Variants in SLC7A2 observed in about 807,000 individuals in gnomAD.
SLC7A2 encodes solute carrier family 7 member 2.
SLC7A2 carries 48 observed loss-of-function variants against 58.9 expected under a neutral mutation model. The ratio of observed to expected loss-of-function variants is 0.82; its 90% CI spans 0.65 to 1.04. The LOEUF is 1.04. SLC7A2 is among the 50% of genes least tolerant of loss of function. The pLI is 0.00. For missense variants in SLC7A2, 1,029 were observed against 818.8 expected (o/e 1.26, Z -3.13); for synonymous variants, 363 against 314.5 (o/e 1.15, Z -1.63).
At chr8:17,562,611 G>A (rs376530609) in intron 11 of SLC7A2, among the ~76,000 whole-genome samples, 1 of 152,114 alleles carries the variant, frequency 6.6e-6, no homozygotes, top group Non-Finnish European at 1.5e-5. Flanking sequence ...AATGTGGTTA[G>A]CCAGTGAATG....
chr8:17,569,236 T>G lies in SLC7A2; in HGVS notation c.*4090T>G, dbSNP rs959032839. ...TGCTCATGATTTCTCCTAATACGCT[T>G]CAAGCAACTGTTACCACAAAAAATA... is the stretch of plus-strand genomic sequence containing the variant. On this transcript the variant is annotated 3_prime_UTR_variant, in exon 13 of 13. Coordinates refer to ENST00000494857, the MANE Select transcript of SLC7A2 (RefSeq NM_001370338.1). 1 of 152,158 alleles carries G rather than the reference T, an allele frequency of 6.6e-6. No individual in the cohort carries two copies. The highest frequency in any genetic ancestry group is 6.5e-5 in the Admixed American group (1 of 15,272). The allele number at this position is 152,158 out of a possible 1,614,324, so 9.4% of individuals were successfully genotyped here. A position where few individuals can be genotyped will look rare whatever the true frequency, so the allele number is the denominator to read the frequency against.
chr8:17,505,948 A>G (rs546639565), intron 2 of SLC7A2, among the ~76,000 whole-genome samples: 1 of 152,376 alleles, frequency 6.6e-6, no homozygotes, highest in South Asian at 2.1e-4. Flanking sequence ...TTTGTTTAAT[A>G]ACATGCTTAA....
chr8:17,543,008 C>T (rs1801980857), intron 2 of SLC7A2, among the ~76,000 whole-genome samples: 1 of 152,098 alleles, frequency 6.6e-6, no homozygotes, highest in Admixed American at 6.5e-5. Context: ...ACAAGAATGG[C>T]AAATCTTTTT....
At chr8:17,497,802 T>TTTTAAAAGAATCTTTAC (rs1800012564) in intron 1 of SLC7A2, among the ~76,000 whole-genome samples, 1 of 152,200 alleles carries the variant, frequency 6.6e-6, no homozygotes, top group Admixed American at 6.5e-5. Context: ...GGTGTTTGTA[T>TTTTAAAAGAATCTTTAC]TGGGTATTTT....
At chr8:17,503,938 C>A (rs1219458391) in intron 2 of SLC7A2, among the ~76,000 whole-genome samples, 2 of 152,136 alleles carry the variant, frequency 1.3e-5, no homozygotes, top group Non-Finnish European at 2.9e-5. Flanking sequence ...AGTTTTGACC[C>A]TCCATCCTTA....
In SLC7A2 at chr8:17,544,503, C is replaced by A. The variant is rs747139608; in HGVS notation, c.429C>A (p.Ser143Arg). The stretch of plus-strand genomic sequence containing the variant: ...GTGGCACCTTTGATGAACTTCTTAG[C>A]AAACAGATTGGTCAGTTTTTGAGGA... ...AWSGTFDELL[S>R]KQIGQFLRTY... Residue 143 changes from serine (S) to arginine (R), a missense_variant, in exon 4 of 13, where the codon AGC becomes AGA. Coordinates refer to ENST00000494857, the MANE Select transcript of SLC7A2 (RefSeq NM_001370338.1). 6.2e-7 allele frequency: 1 copy of A among 1,613,862 alleles called. No individual in the cohort carries two copies. Among genetic ancestry groups the A allele is most frequent in the South Asian group, 1.1e-5 (1 of 91,070 alleles).
chr8:17,566,183 T>A lies in SLC7A2; in HGVS notation c.*1037T>A, dbSNP rs1270417366. The A allele has an allele frequency of 6.6e-6, 1 of 152,236 alleles. No individual in the cohort carries two copies. The highest frequency in any genetic ancestry group is 2.4e-5 in the African/African-American group (1 of 41,462). 9.4% of individuals were successfully genotyped at this position (152,236 alleles called of 1,614,324 possible). On this transcript the variant is annotated 3_prime_UTR_variant, in exon 13 of 13. Coordinates refer to ENST00000494857, the MANE Select transcript of SLC7A2 (RefSeq NM_001370338.1). ...GATTCCTCCTTTTTCCATTACTTAC[T>A]TAATCACAGTTTAGTTTTTTTCTTA...
chr8:17,548,603 A>C (rs1802288600), intron 4 of SLC7A2, 75 bp from the exon 5 acceptor site: 3 of 1,027,516 alleles, frequency 2.9e-6, no homozygotes, highest in Non-Finnish European at 4.4e-6. Flanking sequence ...TAATATCCTA[A>C]AGTCATGTAT....
chr8:17,563,740 C>G, intron 12 of SLC7A2, 29 bp downstream of exon 12: 1 of 1,310,958 alleles, frequency 7.6e-7, no homozygotes, highest in Non-Finnish European at 1.1e-6. Context: ...GGTTCTCTTT[C>G]CTATTTCATG....
intron 7 of SLC7A2, among the ~76,000 whole-genome samples, chr8:17,553,989 ATCT>A (rs1802572275): frequency 6.6e-6 from 1 of 152,140 alleles, no homozygotes; most frequent in South Asian, 2.1e-4. Context: ...ACGTAAATTG[ATCT>A]TCTTTCCCTT....
At position 17,548,708 on chromosome 8, in the gene SLC7A2, C is replaced by T; in HGVS notation, c.563C>T (p.Ala188Val). The T allele has an allele frequency of 2.5e-6, 4 of 1,612,322 alleles. No individual in the cohort carries two copies. Among genetic ancestry groups the T allele is most frequent in the Non-Finnish European group, 3.4e-6 (4 of 1,179,288 alleles). ...TTGTCTTTTGGAGTAAAAGAGTCTGCTTGGGTGAATAAAGTCTTCACAGCT... is the reference window on the plus strand; with the variant it reads ...TTGTCTTTTGGAGTAAAAGAGTCTGTTTGGGTGAATAAAGTCTTCACAGCT... ...GLLSFGVKES[A>V]WVNKVFTAVN... Residue 188 changes from alanine to valine, a missense_variant, in exon 5 of 13, where the codon GCT becomes GTT. Physicochemically the swap from Ala to Val is moderately conservative, Grantham distance 64. Coordinates refer to ENST00000494857, the MANE Select transcript of SLC7A2 (RefSeq NM_001370338.1).
chr8:17,564,805 C>T (rs1803186109), intron 12 of SLC7A2, 145 bp from the exon 13 acceptor site: 1 of 634,934 alleles, frequency 1.6e-6, no homozygotes. Context: ...GGTCTGTGGC[C>T]CAGGGGTTGG....
At chr8:17,564,550 G>T (rs908010738) in intron 12 of SLC7A2, among the ~76,000 whole-genome samples, 3 of 152,146 alleles carry the variant, frequency 2.0e-5, no homozygotes, top group Non-Finnish European at 4.4e-5. Context: ...CAGGGTGGGG[G>T]ATGGTTTGGG....
rs200048108 is a variant in SLC7A2, at chr8:17,548,746, G to A, written c.601G>A (p.Val201Ile). 5.5e-5 allele frequency: 88 copies of A among 1,613,640 alleles called. No individual in the cohort carries two copies. Among genetic ancestry groups the A allele is most frequent in the Non-Finnish European group, 6.8e-5 (80 of 1,179,766 alleles). The change falls in exon 5 of 13, where the codon GTC (valine) becomes ATC (isoleucine). Residue 201 changes from valine (V) to isoleucine (I), a missense_variant. By Grantham distance (29) the Val-to-Ile change is conservative. Coordinates refer to ENST00000494857, the MANE Select transcript of SLC7A2 (RefSeq NM_001370338.1). ...AGTCTTCACAGCTGTTAATATTCTCGTCCTTCTGTTTGTGATGGTTGCTGG... is the reference window on the plus strand; with the variant it reads ...AGTCTTCACAGCTGTTAATATTCTCATCCTTCTGTTTGTGATGGTTGCTGG... ...NKVFTAVNIL[V>I]LLFVMVAGFV...
At chr8:17,561,332 TA>T (rs1176769606) in intron 10 of SLC7A2, among the ~76,000 whole-genome samples, 1 of 152,086 alleles carries the variant, frequency 6.6e-6, no homozygotes, top group Non-Finnish European at 1.5e-5. Context: ...AGGCACATCT[TA>T]ACATGGCAGC....
chr8:17,499,238 C>T (rs1271847032), intron 1 of SLC7A2: 1 of 152,008 alleles, frequency 6.6e-6, no homozygotes, highest in Non-Finnish European at 1.5e-5. Context: ...TTTCACCTAG[C>T]CTCTGTCTTC....
At chr8:17,545,528 G>C (rs1802128188) in intron 4 of SLC7A2, among the ~76,000 whole-genome samples, 1 of 149,412 alleles carries the variant, frequency 6.7e-6, no homozygotes, top group South Asian at 2.1e-4. Flanking sequence ...CTCCTGAGTA[G>C]CTGGGACTAC....
intron 4 of SLC7A2, among the ~76,000 whole-genome samples, chr8:17,546,774 C>T (rs1382821716): frequency 1.3e-5 from 2 of 151,944 alleles, no homozygotes; most frequent in Admixed American, 6.6e-5. Flanking sequence ...GGTATAGATA[C>T]GGGGAACAAA....
intron 4 of SLC7A2, among the ~76,000 whole-genome samples, chr8:17,545,491 G>A (rs758871078): frequency 3.5e-5 from 5 of 144,290 alleles, no homozygotes; most frequent in African/African-American, 1.1e-4. Context: ...TCCGTCTCCC[G>A]GGTGCAAGCG....
Sources: gnomAD v4.1 joint callset for allele counts (sites outside exome capture counted in the v4.1 genomes callset) on GRCh38, gnomAD v4.1.1 for gene constraint, MANE v1.5 for transcripts, NCBI Gene and HGNC (gene_info 2026-07-23, HGNC 2026-07-21) for gene names.